Variants in ASAP1 observed in about 807,000 individuals in gnomAD.
ASAP1 encodes ArfGAP with SH3 domain, ankyrin repeat and PH domain 1.
Under a neutral mutation model 145.2 loss-of-function variants are expected in ASAP1, and 43 were observed. The ratio of observed to expected loss-of-function variants is 0.30; its 90% confidence interval spans 0.23 to 0.38. ASAP1 has a LOEUF of 0.38. Ranked by LOEUF, ASAP1 falls within the 10% of genes least tolerant of loss-of-function variation. The pLI is 1.00. For synonymous variants in ASAP1, 546 were observed against 515.5 expected (o/e 1.06, Z -0.80); for missense variants, 1,018 against 1,355.3 (o/e 0.75, Z 3.91).
intron 25 of ASAP1, chr8:130,084,530 G>A (rs1471146070): frequency 1.3e-5 from 2 of 152,204 alleles, no homozygotes; most frequent in South Asian, 2.1e-4. Context: ...CGAAGCTACA[G>A]GAGAAGAGTT....
chr8:130,231,560 T>C (rs1165075687), intron 4 of ASAP1, among the ~76,000 whole-genome samples: 2 of 152,102 alleles, frequency 1.3e-5, no homozygotes, highest in East Asian at 3.8e-4. Context: ...TTCATTTAAT[T>C]TGAGCAAAGA....
intron 2 of ASAP1, among the ~76,000 whole-genome samples, chr8:130,379,307 T>C (rs1300376222): frequency 6.6e-6 from 1 of 152,172 alleles, no homozygotes; most frequent in Non-Finnish European, 1.5e-5. Context: ...TCCTTTATAA[T>C]AAACCAGTAA....
chr8:130,095,720 G>A (rs988925650), intron 24 of ASAP1, among the ~76,000 whole-genome samples: 2 of 151,698 alleles, frequency 1.3e-5, no homozygotes, highest in Admixed American at 6.6e-5. Context: ...CCAGATTCAA[G>A]GGATTCTCCT....
chr8:130,205,351 A>T (rs1213367703), intron 5 of ASAP1, among the ~76,000 whole-genome samples: 4 of 150,334 alleles, frequency 2.7e-5, no homozygotes, highest in Non-Finnish European at 5.9e-5. Flanking sequence ...TTGAAATCCT[A>T]CCTTGAAACA....
chr8:130,215,127 C>A (rs1816819616), intron 4 of ASAP1, among the ~76,000 whole-genome samples: 1 of 152,034 alleles, frequency 6.6e-6, no homozygotes, highest in East Asian at 1.9e-4. Flanking sequence ...GTCTCAAACT[C>A]CTGACCTTGT....
chr8:130,235,743 G>C (rs908567255), intron 4 of ASAP1, among the ~76,000 whole-genome samples: 1 of 152,074 alleles, frequency 6.6e-6, no homozygotes, highest in Non-Finnish European at 1.5e-5. Context: ...CAAGGCCTAG[G>C]GGGGTTTAAA....
chr8:130,300,182 AGAGAGC>A (rs1411322082), intron 3 of ASAP1, among the ~76,000 whole-genome samples: 1 of 146,168 alleles, frequency 6.8e-6, no homozygotes, highest in East Asian at 2.0e-4. Context: ...AGAGAGAGAG[AGAGAGC>A]GAGCGAGCGA....
rs117887269 is a variant in ASAP1 at position 130,280,327 on chromosome 8, T to C, written c.187-43333A>G. 2.7e-3 allele frequency among the ~76,000 whole-genome samples: 408 copies of C among 152,340 alleles called. 1 individual carries two copies. Among genetic ancestry groups the C allele is most frequent in the South Asian group, 3.5e-3 (17 of 4,826 alleles). ...GGCCTAGAATACAAGTTTTTAAAAG[T>C]GGTGTGTGATATATTCAATTGTGAT... On this transcript the variant is annotated intron_variant, in intron 3 of 29. Coordinates refer to ENST00000518721, the MANE Select transcript of ASAP1 (RefSeq NM_018482.4).
chr8:130,090,526 C>CA (rs1291285095), intron 25 of ASAP1, among the ~76,000 whole-genome samples: 1 of 152,216 alleles, frequency 6.6e-6, no homozygotes, highest in Non-Finnish European at 1.5e-5. Context: ...AATTCATTAA[C>CA]ACCAAACTCC....
At chr8:130,310,138 T>TGGGG (rs368989712) in intron 3 of ASAP1, among the ~76,000 whole-genome samples, 16 of 54,064 alleles carry the variant, frequency 3.0e-4, no homozygotes, top group Middle Eastern at 7.9e-3. Context: ...CAGTTTTTTT[T>TGGGG]GGGGGGGGGA....
At chr8:130,261,750 T>C (rs1204052449) in intron 3 of ASAP1, among the ~76,000 whole-genome samples, 1 of 152,046 alleles carries the variant, frequency 6.6e-6, no homozygotes, top group African/African-American at 2.4e-5. Flanking sequence ...AGTGCCTACA[T>C]GGAAGCCTGT....
Position 130,434,415 on chromosome 8 carries a change from G to A in ASAP1, c.-28+9045C>T, listed in dbSNP as rs567449585. ...GCTAGGCTCTGCGTATTTCAGGTTCGTCGTATATAAAATGGGAGTTAGAAA... is the reference window on the plus strand; with the variant it reads ...GCTAGGCTCTGCGTATTTCAGGTTCATCGTATATAAAATGGGAGTTAGAAA... On this transcript the variant is annotated intron_variant, in intron 1 of 29. Coordinates refer to ENST00000518721, the MANE Select transcript of ASAP1 (RefSeq NM_018482.4). Among the ~76,000 whole-genome samples the A allele has an allele frequency of 4.6e-5, 7 of 152,294 alleles. No homozygotes were observed. The South Asian group carries it at 6.2e-4, about 14-fold the overall frequency.
chr8:130,176,407 T>C (rs748281572), intron 9 of ASAP1, among the ~76,000 whole-genome samples: 8 of 152,246 alleles, frequency 5.3e-5, no homozygotes, highest in Admixed American at 6.5e-5. Context: ...CTTGCTATGA[T>C]AGAGTTCTTG....
intron 28 of ASAP1, among the ~76,000 whole-genome samples, chr8:130,059,727 A>C (rs1295825952): frequency 2.0e-5 from 3 of 152,212 alleles, no homozygotes. Flanking sequence ...CTATTCTATT[A>C]TATCGAGAGC....
chr8:130,239,364 G>A (rs899400704), intron 3 of ASAP1, among the ~76,000 whole-genome samples: 6 of 152,106 alleles, frequency 3.9e-5, no homozygotes. Context: ...AAAGTCCTGT[G>A]AAATAAATAT....
chr8:130,300,184 A>AGAGAGAGAGAGC (rs761456724), intron 3 of ASAP1, among the ~76,000 whole-genome samples: 7 of 140,284 alleles, frequency 5.0e-5, no homozygotes, highest in African/African-American at 1.7e-4. Context: ...AGAGAGAGAG[A>AGAGAGAGAGAGC]GAGCGAGCGA....
At chr8:130,278,605 T>G (rs1454508876) in intron 3 of ASAP1, among the ~76,000 whole-genome samples, 1 of 152,212 alleles carries the variant, frequency 6.6e-6, no homozygotes, top group Non-Finnish European at 1.5e-5. Flanking sequence ...CATCAAGTTT[T>G]GCAGCTAAGA....
intron 5 of ASAP1, among the ~76,000 whole-genome samples, chr8:130,213,824 C>T (rs1217081994): frequency 3.3e-5 from 5 of 152,162 alleles, no homozygotes; most frequent in Non-Finnish European, 7.4e-5. Context: ...TTACCCAGAA[C>T]CTTTCTAAGT....
In ASAP1 at chr8:130,358,085, A is replaced by C; in HGVS notation, c.118T>G (p.Ser40Ala). The C allele has an allele frequency of 6.2e-7, 1 of 1,610,538 alleles. No homozygotes were observed. The highest frequency in any genetic ancestry group is 8.5e-7 in the Non-Finnish European group (1 of 1,178,908). The change falls in exon 3 of 30, where the codon TCG becomes GCG. Residue 40 changes from serine to alanine, a missense_variant. Ser to Ala is a moderately conservative substitution (Grantham distance 99). This residue lies in a region of ASAP1 where 106 missense variants were observed against 134.5 expected (regional missense o/e 0.79). Transcript: ENST00000518721. This position sits in a 1 kb window ranked among gnomAD's most constrained non-coding sequence, Gnocchi z 4.1. ...GTGGTGAAGCTGGACGTGGTGGGCG[A>C]GTTGTAGTCCTCGGTGGTCTCGGCG... Reference protein sequence around the residue: ...FIAETTEDYNSPTTSSFTTRL... With the variant: ...FIAETTEDYNAPTTSSFTTRL...
Sources: gnomAD v4.1 joint callset for allele counts (sites outside exome capture counted in the v4.1 genomes callset) on GRCh38, gnomAD v4.1.1 for gene constraint, gnomAD v4.1.1 regional missense constraint, Gnocchi (gnomAD v3.1) non-coding constraint, MANE v1.5 for transcripts, NCBI Gene and HGNC (gene_info 2026-07-23, HGNC 2026-07-21) for gene names.